The following DNAAF9 variants were observed in gnomAD, a reference collection of about 807,000 sequenced individuals.
DNAAF9 encodes shulin.
DNAAF9 carries 90 observed loss-of-function variants against 167.0 expected under a neutral mutation model. That is an observed-to-expected ratio of 0.54 (90% confidence interval 0.45 to 0.64). The LOEUF is 0.64. DNAAF9 is among the 30% of genes least tolerant of loss of function. The probability of loss-of-function intolerance (pLI) is 0.00; values close to 1 mark genes in which losing one functional copy is unlikely to be tolerated. For synonymous variants in DNAAF9, 491 were observed against 508.8 expected, an observed-to-expected ratio of 0.96 and a Z score of 0.47; for missense variants, 1,315 against 1,442.2, an observed-to-expected ratio of 0.91 and a Z score of 1.43.
chr20:3,327,382 G>A (rs1014588722), intron 12 of DNAAF9, among the ~76,000 whole-genome samples: 6 of 152,072 alleles, frequency 3.9e-5, no homozygotes, highest in African/African-American at 7.2e-5. Context: ...AAAGATGGGG[G>A]AGGGAGGTAC....
chr20:3,331,395 T>A (rs1192705680), intron 11 of DNAAF9, among the ~76,000 whole-genome samples: 1 of 152,196 alleles, frequency 6.6e-6, no homozygotes, highest in Non-Finnish European at 1.5e-5. Flanking sequence ...TCATCCAGAA[T>A]AAAATACGGT....
At chr20:3,372,299 G>C (rs1426906141) in intron 6 of DNAAF9, among the ~76,000 whole-genome samples, 1 of 152,204 alleles carries the variant, frequency 6.6e-6, no homozygotes, top group Non-Finnish European at 1.5e-5. Flanking sequence ...GGAAGGGCAG[G>C]GGAAAGAAGA....
At chr20:3,340,685 C>T in intron 9 of DNAAF9, 46 bp from the exon 10 acceptor site, 2 of 1,593,718 alleles carry the variant, frequency 1.3e-6, no homozygotes, top group Non-Finnish European at 1.7e-6. Context: ...GAGTTCCTGG[C>T]CAAGGCAACC....
intron 1 of DNAAF9, among the ~76,000 whole-genome samples, chr20:3,391,548 T>C (rs2083825942): frequency 6.6e-6 from 1 of 151,788 alleles, no homozygotes; most frequent in South Asian, 2.1e-4. Context: ...ACTATGAGTT[T>C]GTTGTGTATC....
intron 9 of DNAAF9, among the ~76,000 whole-genome samples, chr20:3,341,801 G>C (rs1270102186): frequency 6.6e-6 from 1 of 151,842 alleles, no homozygotes; most frequent in Non-Finnish European, 1.5e-5. Flanking sequence ...TTTTTGAGAC[G>C]GAGTCTTGCT....
chr20:3,390,373 T>C (rs2083810411), intron 1 of DNAAF9, among the ~76,000 whole-genome samples: 1 of 133,762 alleles, frequency 7.5e-6, no homozygotes, highest in South Asian at 2.2e-4. Context: ...TTCTCTCACT[T>C]TTTTTTTTTT....
chr20:3,348,900 T>C (rs75670176), intron 7 of DNAAF9, among the ~76,000 whole-genome samples: 6,831 of 152,130 alleles, frequency 0.045, 231 homozygotes, highest in African/African-American at 0.095. Flanking sequence ...AAAAGTAGAC[T>C]AGTGGTTGCC....
At chr20:3,299,448 T>C (rs1006721082) in intron 21 of DNAAF9, among the ~76,000 whole-genome samples, 2 of 151,956 alleles carry the variant, frequency 1.3e-5, no homozygotes, top group Non-Finnish European at 2.9e-5. Context: ...CTAGCTGGGA[T>C]TACAGGCATC....
chr20:3,304,231 A>G (rs2069246949), intron 21 of DNAAF9, among the ~76,000 whole-genome samples: 1 of 152,130 alleles, frequency 6.6e-6, no homozygotes, highest in South Asian at 2.1e-4. Flanking sequence ...TAAGCCCTTT[A>G]CAGAGCAGTG....
At chr20:3,318,977 G>A (rs1482372756) in intron 16 of DNAAF9, among the ~76,000 whole-genome samples, 1 of 151,408 alleles carries the variant, frequency 6.6e-6, no homozygotes, top group African/African-American at 2.4e-5. Flanking sequence ...CAGCTACTTG[G>A]GAGGCTGAGG....
At chr20:3,393,938 TTATC>T (rs2123282878) in intron 1 of DNAAF9, among the ~76,000 whole-genome samples, 1 of 152,376 alleles carries the variant, frequency 6.6e-6, no homozygotes, top group South Asian at 2.1e-4. Flanking sequence ...TGTTTATTGA[TTATC>T]TACATTTCTT....
chr20:3,361,884 T>C (rs1262679692), intron 6 of DNAAF9: 9 of 1,478,708 alleles, frequency 6.1e-6, no homozygotes, highest in Non-Finnish European at 7.5e-6. Flanking sequence ...TTTTGGTTAA[T>C]TGCTCTAACA....
In DNAAF9 at chr20:3,305,792, C is replaced by T. The variant is rs2236109; in HGVS notation, c.1679-1249G>A. On this transcript the variant is annotated intron_variant, in intron 20 of 36. Transcript: ENST00000252032. ...CCTCTCATGGAAGAACCAGATGCCC[C>T]GTCAGAGGGACATGCCAACCTTACC... 5.3e-5 allele frequency among the ~76,000 whole-genome samples: 8 copies of T among 151,992 alleles called. No individual in the cohort carries two copies. The South Asian group carries it at 6.2e-4, about 12-fold the overall frequency.
chr20:3,321,393 G>C (rs1032326264), intron 16 of DNAAF9, among the ~76,000 whole-genome samples: 5 of 152,132 alleles, frequency 3.3e-5, no homozygotes, highest in African/African-American at 1.2e-4. Flanking sequence ...GAATACTGTA[G>C]GCAATTATAA....
rs1490881484 is a variant in DNAAF9, at chr20:3,375,058, A to C, written c.477T>G (p.Ser159Arg). 1.2e-6 allele frequency: 2 copies of C among 1,608,880 alleles called. No individual in the cohort carries two copies. The highest frequency in any genetic ancestry group is 2.7e-5 in the African/African-American group (2 of 74,830). The part of the protein sequence containing the change: ...TSFVDMVRDC[S>R]RIGIPYSSQG... ...GGGAGCTGTAAGGAATGCCAATTCT[A>C]CTACAGTCTCGAACCATGTCCACAA... is the stretch of plus-strand genomic sequence containing the variant. Residue 159 changes from serine to arginine, a missense_variant, in exon 5 of 37, where the codon AGT becomes AGG. By Grantham distance (110) the Ser-to-Arg change is moderately radical. Around this residue, in one of 2 missense-constraint regions of DNAAF9, gnomAD observed 981 missense variants for 1,012.5 expected, o/e 0.97. Transcript: ENST00000252032.
At chr20:3,343,517 A>G (rs570873154) in intron 9 of DNAAF9, among the ~76,000 whole-genome samples, 159 bp downstream of exon 9, 1 of 152,312 alleles carries the variant, frequency 6.6e-6, no homozygotes, top group South Asian at 2.1e-4. Context: ...AAACAGACAC[A>G]TTTACAGAGT....
intron 14 of DNAAF9, among the ~76,000 whole-genome samples, chr20:3,323,572 C>T (rs1229825637): frequency 2.0e-5 from 3 of 152,106 alleles, no homozygotes; most frequent in Non-Finnish European, 4.4e-5. Context: ...TGAGCCACTG[C>T]GCCCCGCCCT....
In DNAAF9 at chr20:3,304,491, T is replaced by A; in HGVS notation, c.1731A>T (p.Arg577Ser). Residue 577 changes from arginine to serine, a missense_variant, in exon 21 of 37, where the codon AGA becomes AGT. By Grantham distance (110) the Arg-to-Ser change is moderately radical. Around this residue, in one of 2 missense-constraint regions of DNAAF9, gnomAD observed 981 missense variants for 1,012.5 expected, o/e 0.97. Transcript: ENST00000252032. ...TGTGATCCTTGGAAATGATGATACTTCTATGACGACAGTGAGAAAACAGAA... is the reference window on the plus strand; with the variant it reads ...TGTGATCCTTGGAAATGATGATACTACTATGACGACAGTGAGAAAACAGAA... The part of the protein sequence containing the change: ...SGLLFSHCRH[R>S]SIIISKDHMN... 1.3e-6 allele frequency: 2 copies of A among 1,529,962 alleles called. No individual in the cohort carries two copies. The highest frequency in any genetic ancestry group is 1.8e-6 in the Non-Finnish European group (2 of 1,103,434). 94.8% of individuals were successfully genotyped at this position (1,529,962 alleles called of 1,614,324 possible). A position where few individuals can be genotyped will look rare whatever the true frequency, so the allele number is the denominator to read the frequency against.
intron 20 of DNAAF9, among the ~76,000 whole-genome samples, chr20:3,309,039 G>A (rs2069356217): frequency 6.6e-6 from 1 of 152,110 alleles, no homozygotes; most frequent in South Asian, 2.1e-4. Flanking sequence ...TGGAATTTTG[G>A]AGAGGACACA....
Sources: gnomAD v4.1 joint callset for allele counts (sites outside exome capture counted in the v4.1 genomes callset) on GRCh38, gnomAD v4.1.1 for gene constraint, gnomAD v4.1.1 regional missense constraint, MANE v1.5 for transcripts, NCBI Gene and HGNC (gene_info 2026-07-23, HGNC 2026-07-21) for gene names.